ATP11C: variants seen among roughly 807,000 people sequenced by gnomAD.
The protein encoded by ATP11C is phospholipid-transporting ATPase IG.
Under a neutral mutation model 97.4 loss-of-function variants are expected in ATP11C, and 36 were observed. The ratio of observed to expected loss-of-function variants is 0.37; its 90% CI spans 0.28 to 0.49. The LOEUF is 0.49. Ranked by LOEUF, ATP11C falls within the 20% of genes least tolerant of loss-of-function variation. The pLI is 0.98. For synonymous variants in ATP11C, 275 were observed against 290.9 expected (o/e 0.95, Z 0.56); for missense variants, 730 against 824.6 (o/e 0.89, Z 1.40).
At position 139,804,538 on chromosome X, in the gene ATP11C, G is replaced by T. The variant is rs770635734; in HGVS notation, c.488C>A (p.Ser163Ter). The T allele has an allele frequency of 8.3e-7, 1 of 1,199,473 alleles. No individual in the cohort carries two copies. Among genetic ancestry groups the T allele is most frequent in the Admixed American group, 2.2e-5 (1 of 45,626 alleles). The part of the protein sequence containing the change: ...ETFPCDLILL[S>*]SCTTDGTCYV... ...ACAGGTTCCATCAGTGGTGCAAGATGATAGAAGAATAAGATCACAGGGAAA... is the reference window on the plus strand; with the variant it reads ...ACAGGTTCCATCAGTGGTGCAAGATTATAGAAGAATAAGATCACAGGGAAA... The change falls in exon 6 of 30, where the codon TCA becomes TAA. Residue 163 changes from serine to a stop codon, truncating the protein, a stop_gained. Transcript: ENST00000682941. LOFTEE classifies it high-confidence loss of function.
intron 5 of ATP11C, among the ~76,000 whole-genome samples, chrX:139,808,366 C>T (rs750487107): frequency 9.0e-6 from 1 of 111,024 alleles, no homozygotes; most frequent in South Asian, 3.8e-4. Flanking sequence ...TAATCAAAGC[C>T]GACAAACAAT....
At chrX:139,847,999 T>C (rs1028525490) in intron 1 of ATP11C, among the ~76,000 whole-genome samples, 1 of 111,470 alleles carries the variant, frequency 9.0e-6, no homozygotes. Flanking sequence ...CATGGTCATC[T>C]ATCCATCTCC....
At chrX:139,911,706 C>T (rs1426829549) in intron 1 of ATP11C, among the ~76,000 whole-genome samples, 1 of 110,872 alleles carries the variant, frequency 9.0e-6, no homozygotes, top group Non-Finnish European at 1.9e-5. Context: ...AATACACACA[C>T]ACCAAAAGAT....
intron 1 of ATP11C, among the ~76,000 whole-genome samples, chrX:139,878,901 T>C (rs745685984): frequency 1.2e-4 from 13 of 109,256 alleles, no homozygotes; most frequent in Admixed American, 5.9e-4. Flanking sequence ...GGGGGAATCA[T>C]AGAAAGGAGA....
At chrX:139,741,165 A>G in intron 26 of ATP11C, 71 bp from the exon 27 acceptor site, 1 of 631,516 alleles carries the variant, frequency 1.6e-6, no homozygotes, top group Non-Finnish European at 2.6e-6. Context: ...ATAGTATCTG[A>G]TAACTAGTAC....
intron 1 of ATP11C, among the ~76,000 whole-genome samples, chrX:139,835,594 G>T (rs906319051): frequency 4.6e-5 from 5 of 108,433 alleles, no homozygotes; most frequent in African/African-American, 1.3e-4. Context: ...TAGTAAAGAC[G>T]GGTTTTCGCC....
upstream of ATP11C, among the ~76,000 whole-genome samples, chrX:139,933,977 C>A (rs897423627): frequency 9.0e-6 from 1 of 111,573 alleles, no homozygotes; most frequent in Non-Finnish European, 1.9e-5. Flanking sequence ...TAGGGGAGAG[C>A]GACATTGCAT....
At chrX:139,740,494 A>G (rs2081533224) in intron 27 of ATP11C, among the ~76,000 whole-genome samples, 1 of 111,976 alleles carries the variant, frequency 8.9e-6, no homozygotes, top group African/African-American at 3.2e-5. Context: ...AAACAGTAAG[A>G]TGACAATTTC....
At chrX:139,761,014 T>C (rs1179991885) in intron 22 of ATP11C, among the ~76,000 whole-genome samples, 2 of 111,478 alleles carry the variant, frequency 1.8e-5, no homozygotes, top group Non-Finnish European at 3.8e-5. Context: ...CCAAGCATGG[T>C]GGCTCAAGCT....
At chrX:139,900,367 CAAAAAAAAAAAAA>C (rs34007097) in intron 1 of ATP11C, among the ~76,000 whole-genome samples, 2 of 36,870 alleles carry the variant, frequency 5.4e-5, no homozygotes, top group Non-Finnish European at 9.6e-5. Flanking sequence ...GACTCCGTCT[CAAAAAAAAAAAAA>C]AAAAAAAAAA....
chrX:139,921,695 A>C (rs746299747), intron 1 of ATP11C, among the ~76,000 whole-genome samples: 31 of 111,231 alleles, frequency 2.8e-4, no homozygotes, highest in Non-Finnish European at 4.9e-4. Context: ...GCTCCTGAAA[A>C]AAGGCCTGAT....
chrX:139,773,729 C>T (rs2082298467), intron 19 of ATP11C, among the ~76,000 whole-genome samples: 1 of 112,145 alleles, frequency 8.9e-6, no homozygotes, highest in African/African-American at 3.2e-5. Context: ...TGAATGTGGG[C>T]TAATCATTTT....
At position 139,910,682 on chromosome X, in the gene ATP11C, T is replaced by C. The variant is rs182139067; in HGVS notation, c.27+21334A>G. Among the ~76,000 whole-genome samples the C allele has an allele frequency of 1.5e-3, 162 of 110,737 alleles. 1 individual carries two copies. The highest frequency in any genetic ancestry group is 5.2e-3 in the African/African-American group (157 of 30,477). On this transcript the variant is annotated intron_variant, in intron 1 of 29. Transcript: ENST00000682941. The stretch of plus-strand genomic sequence containing the variant: ...ATCAGTTTCATTAAAAACGGCTAAC[T>C]TGAAGATAAATCTTTTGACTCCAGC...
At chrX:139,749,547 C>T (rs2081765700) in intron 24 of ATP11C, among the ~76,000 whole-genome samples, 1 of 111,519 alleles carries the variant, frequency 9.0e-6, no homozygotes, top group African/African-American at 3.3e-5. Flanking sequence ...GCTTATGAGT[C>T]CATTATTTTC....
intron 1 of ATP11C, among the ~76,000 whole-genome samples, chrX:139,871,120 T>C (rs1197789846): frequency 1.8e-5 from 2 of 109,723 alleles, no homozygotes; most frequent in Admixed American, 1.9e-4. Context: ...TGTGTGTACT[T>C]AGACTGACAT....
intron 22 of ATP11C, among the ~76,000 whole-genome samples, chrX:139,760,242 T>C (rs1043448077): frequency 2.7e-5 from 3 of 111,844 alleles, no homozygotes; most frequent in Admixed American, 9.4e-5. Flanking sequence ...TTGTGAGGAT[T>C]ACATTTTTTA....
In ATP11C at chrX:139,745,863, G is replaced by T; in HGVS notation, c.2829-6C>A. The stretch of plus-strand genomic sequence containing the variant: ...TGGCATTGCCAGAAATTTTCCTATT[G>T]AGAAATGGGGGGAAAAAACCATTAG... On this transcript the variant is annotated splice_polypyrimidine_tract_variant and splice_region_variant and intron_variant, in intron 24 of 29. Transcript: ENST00000682941. The T allele has an allele frequency of 8.4e-7, 1 of 1,190,866 alleles. No individual in the cohort carries two copies. Among genetic ancestry groups the T allele is most frequent in the Non-Finnish European group, 1.1e-6 (1 of 887,194 alleles).
At chrX:139,861,656 A>G (rs2084198087) in intron 1 of ATP11C, among the ~76,000 whole-genome samples, 1 of 110,651 alleles carries the variant, frequency 9.0e-6, no homozygotes, top group African/African-American at 3.3e-5. Flanking sequence ...AGCGAAGCCA[A>G]AATTTGTATC....
intron 2 of ATP11C, among the ~76,000 whole-genome samples, chrX:139,819,795 T>A (rs774514696): frequency 2.2e-4 from 25 of 112,345 alleles, no homozygotes; most frequent in South Asian, 7.4e-4. Context: ...AGTTTCTCCC[T>A]TGATAAGCAA....
Sources: gnomAD v4.1 joint callset for allele counts (sites outside exome capture counted in the v4.1 genomes callset) on GRCh38, gnomAD v4.1.1 for gene constraint, MANE v1.5 for transcripts, NCBI Gene and HGNC (gene_info 2026-07-23, HGNC 2026-07-21) for gene names.